The following GHR variants were observed in gnomAD, a reference collection of about 807,000 sequenced individuals.
GHR encodes growth hormone receptor.
A neutral mutation model predicts 67.1 loss-of-function variants in GHR; 35 were observed. That is an observed-to-expected ratio of 0.52 (90% CI 0.40 to 0.69). The LOEUF (loss-of-function observed/expected upper bound fraction) is 0.69, where lower values mean the gene tolerates loss of function less well. Ranked by LOEUF, GHR falls within the 30% of genes least tolerant of loss-of-function variation. The probability of loss-of-function intolerance (pLI) is 0.00; values close to 1 mark genes in which losing one functional copy is unlikely to be tolerated. For synonymous variants in GHR, 272 were observed against 269.1 expected (o/e 1.01, Z -0.10); for missense variants, 792 against 764.6 (o/e 1.04, Z -0.42).
intron 1 of GHR, among the ~76,000 whole-genome samples, chr5:42,562,466 G>A (rs1749663665): frequency 1.3e-5 from 2 of 152,150 alleles, no homozygotes; most frequent in Admixed American, 1.3e-4. Flanking sequence ...CCAGGCGGCA[G>A]TGAACTGCAT....
chr5:42,511,807 C>T (rs1047114444), intron 1 of GHR, among the ~76,000 whole-genome samples: 3 of 152,090 alleles, frequency 2.0e-5, no homozygotes, highest in African/African-American at 7.2e-5. Flanking sequence ...TCGGGGTATT[C>T]AGACATTTAA....
rs953558664 is a variant in GHR, at chr5:42,539,012, A to T, written c.-11-26852A>T. ...TTTTGCATTTCTATAAGCTTGTCCAATGTTTCCTGAAGTTTTGATTTTTTT... is the reference window on the plus strand; with the variant it reads ...TTTTGCATTTCTATAAGCTTGTCCATTGTTTCCTGAAGTTTTGATTTTTTT... On this transcript the variant is annotated intron_variant, in intron 1 of 9. Coordinates refer to ENST00000230882, the MANE Select transcript of GHR (RefSeq NM_000163.5). Among the ~76,000 whole-genome samples the T allele has an allele frequency of 3.3e-5, 5 of 151,886 alleles. No homozygotes were observed. The South Asian group carries it at 8.3e-4, about 25-fold the overall frequency.
chr5:42,477,132 G>A (rs536320320), intron 1 of GHR, among the ~76,000 whole-genome samples: 1 of 149,014 alleles, frequency 6.7e-6, no homozygotes, highest in Admixed American at 6.8e-5. Flanking sequence ...AACATGCGGT[G>A]TTTGGTTTTT....
chr5:42,566,671 CT>C lies in GHR; in HGVS notation c.70+739del, dbSNP rs11415347. Among the ~76,000 whole-genome samples, 243 of 146,140 alleles carry C rather than the reference CT, an allele frequency of 1.7e-3. 1 individual carries two copies. The East Asian group carries it at 0.019, about 12-fold the overall frequency. Reference sequence around the variant, plus strand: ...ACTGTGCTCTCTAACGGGTGGGAGACTTTTTTTTTTTTAATGAGTACTTGAT... The same window carrying C: ...ACTGTGCTCTCTAACGGGTGGGAGACTTTTTTTTTTTAATGAGTACTTGAT... On this transcript the variant is annotated intron_variant, in intron 2 of 9. Transcript: ENST00000230882.
At chr5:42,454,496 C>T (rs142513334) in intron 1 of GHR, among the ~76,000 whole-genome samples, 179 of 152,236 alleles carry the variant, frequency 1.2e-3, no homozygotes, top group African/African-American at 3.9e-3. Flanking sequence ...CAGGATTAGG[C>T]GGGTCTGAGC....
At chr5:42,517,184 T>G (rs1270805647) in intron 1 of GHR, among the ~76,000 whole-genome samples, 2 of 149,608 alleles carry the variant, frequency 1.3e-5, no homozygotes, top group Admixed American at 6.6e-5. Flanking sequence ...TTACTGTGAG[T>G]TTTATACCAA....
At position 42,424,624 on chromosome 5, in the gene GHR, C is replaced by T. The variant is rs995359284; in HGVS notation, c.-12+669C>T. On this transcript the variant is annotated intron_variant, in intron 1 of 9. Transcript: ENST00000230882. The surrounding 1 kb of genome is among the most constrained non-coding windows in gnomAD (Gnocchi z 4.1). ...GTAAGTGGAAATTGTGGCGAGCCGA[C>T]CTCCCCCAGCTTTTGACACACTAGT... 9.1e-6 allele frequency: 14 copies of T among 1,530,338 alleles called. No homozygotes were observed. The highest frequency in any genetic ancestry group is 1.4e-5 in the African/African-American group (1 of 72,892). The allele number at this position is 1,530,338 out of a possible 1,614,324, so 94.8% of individuals were successfully genotyped here. A position where few individuals can be genotyped will look rare whatever the true frequency, so the allele number is the denominator to read the frequency against.
At chr5:42,569,541 A>G (rs897560066) in intron 2 of GHR, among the ~76,000 whole-genome samples, 2 of 152,314 alleles carry the variant, frequency 1.3e-5, no homozygotes, top group South Asian at 2.1e-4. Context: ...ATATCCAGCC[A>G]GTAATAGTCC....
At chr5:42,450,728 G>T (rs568831922) in intron 1 of GHR, among the ~76,000 whole-genome samples, 26 of 151,946 alleles carry the variant, frequency 1.7e-4, no homozygotes, top group African/African-American at 5.8e-4. Context: ...ACCTTAGATT[G>T]TCTATTTGTG....
intron 2 of GHR, among the ~76,000 whole-genome samples, chr5:42,572,457 T>C (rs1750380988): frequency 6.6e-6 from 1 of 152,200 alleles, no homozygotes; most frequent in Non-Finnish European, 1.5e-5. Flanking sequence ...CATCTGTAGT[T>C]AGCAGCATGA....
rs144559244 is a variant in GHR, at chr5:42,454,136, C to T, written c.-12+30181C>T. Among the ~76,000 whole-genome samples the T allele has an allele frequency of 1.9e-3, 282 of 152,228 alleles. 1 individual carries two copies. Among genetic ancestry groups the T allele is most frequent in the Middle Eastern group, 6.8e-3 (2 of 294 alleles). On this transcript the variant is annotated intron_variant, in intron 1 of 9. Transcript: ENST00000230882. ...TGCTGGCGAATGTCTGCAAAGAGAC[C>T]GGTGATCTGATCAGTCTTCAGGTCT... is the stretch of plus-strand genomic sequence containing the variant.
At chr5:42,502,158 A>C (rs937701200) in intron 1 of GHR, among the ~76,000 whole-genome samples, 1 of 152,184 alleles carries the variant, frequency 6.6e-6, no homozygotes, top group Non-Finnish European at 1.5e-5. Flanking sequence ...AGGACAAGGC[A>C]CTGAGGTCCA....
At chr5:42,586,505 G>A (rs745770100) in intron 2 of GHR, among the ~76,000 whole-genome samples, 4 of 152,212 alleles carry the variant, frequency 2.6e-5, no homozygotes, top group Non-Finnish European at 5.9e-5. Context: ...TAGGACAGTT[G>A]GATTTAGGGA....
chr5:42,670,967 A>T (rs1756261422), intron 3 of GHR, among the ~76,000 whole-genome samples: 1 of 151,834 alleles, frequency 6.6e-6, no homozygotes, highest in Non-Finnish European at 1.5e-5. Flanking sequence ...TGGCAAAGAC[A>T]CAATGAGAAA....
chr5:42,696,479 T>C (rs900609906), intron 5 of GHR, among the ~76,000 whole-genome samples: 3 of 152,188 alleles, frequency 2.0e-5, no homozygotes, highest in Non-Finnish European at 4.4e-5. Flanking sequence ...TGACCCACAG[T>C]GGTCAAAAGC....
At chr5:42,644,689 CTAGA>C (rs1287767404) in intron 3 of GHR, among the ~76,000 whole-genome samples, 20 of 149,196 alleles carry the variant, frequency 1.3e-4, no homozygotes, top group Non-Finnish European at 2.7e-4. Context: ...AGATACATAC[CTAGA>C]TAGTTATGGG....
At chr5:42,692,955 T>G (rs1029172817) in intron 4 of GHR, among the ~76,000 whole-genome samples, 1 of 152,158 alleles carries the variant, frequency 6.6e-6, no homozygotes, top group Non-Finnish European at 1.5e-5. Flanking sequence ...TGAAAGTAAA[T>G]ATCAAATTAA....
Position 42,711,384 on chromosome 5 carries a change from A to G in GHR, c.784+12A>G, listed in dbSNP as rs1227530248. On this transcript the variant is annotated intron_variant, in intron 7 of 9. Coordinates refer to ENST00000230882, the MANE Select transcript of GHR (RefSeq NM_000163.5). ...TACATGTGAAGAAGGTAAAAGAAAT[A>G]AAAGATTAAAATAGTAGCTAACCTG... 1 of 1,590,378 alleles carries G rather than the reference A, an allele frequency of 6.3e-7. No individual in the cohort carries two copies. The highest frequency in any genetic ancestry group is 1.3e-5 in the African/African-American group (1 of 74,448).
chr5:42,586,756 G>T (rs574716855), intron 2 of GHR, among the ~76,000 whole-genome samples: 15 of 152,244 alleles, frequency 9.9e-5, no homozygotes, highest in Middle Eastern at 3.4e-3. Flanking sequence ...TGACCTCAAA[G>T]GGCCCTTCTT....
Sources: gnomAD v4.1 joint callset for allele counts (sites outside exome capture counted in the v4.1 genomes callset) on GRCh38, gnomAD v4.1.1 for gene constraint, Gnocchi (gnomAD v3.1) non-coding constraint, MANE v1.5 for transcripts, NCBI Gene and HGNC (gene_info 2026-07-23, HGNC 2026-07-21) for gene names.